PARD3: variants seen among roughly 807,000 people sequenced by gnomAD.
The protein encoded by PARD3 is par-3 family cell polarity regulator.
A neutral mutation model predicts 155.4 loss-of-function variants in PARD3; 75 were observed. The observed-to-expected ratio is 0.48, with a 90% CI of 0.40 to 0.58. The LOEUF (loss-of-function observed/expected upper bound fraction) is 0.58, where lower values mean the gene tolerates loss of function less well. PARD3 is among the 20% of genes least tolerant of loss of function. The pLI is 0.00. For missense variants in PARD3, 1,642 were observed against 1,721.7 expected, an observed-to-expected ratio of 0.95 and a Z score of 0.82; for synonymous variants, 576 against 610.5, an observed-to-expected ratio of 0.94 and a Z score of 0.83.
chr10:34,431,443 C>T (rs10827369), intron 5 of PARD3, among the ~76,000 whole-genome samples: 71,777 of 151,906 alleles, frequency 0.47, 20,355 homozygotes, highest in Non-Finnish European at 0.62. Context: ...AAATTTGTGC[C>T]GGGTGTGGTA....
chr10:34,549,081 C>T (rs1442352553), intron 2 of PARD3, among the ~76,000 whole-genome samples: 2 of 152,146 alleles, frequency 1.3e-5, no homozygotes, highest in Admixed American at 6.5e-5. Context: ...CCGATATTTT[C>T]GCAAACAGTA....
chr10:34,356,530 G>A (rs780713093), intron 14 of PARD3, among the ~76,000 whole-genome samples: 5 of 152,194 alleles, frequency 3.3e-5, no homozygotes, highest in South Asian at 4.1e-4. Flanking sequence ...AGATGAGATA[G>A]CAAAATACAG....
At chr10:34,703,456 G>C (rs1263209871) in intron 1 of PARD3, among the ~76,000 whole-genome samples, 2 of 92,182 alleles carry the variant, frequency 2.2e-5, no homozygotes, top group Non-Finnish European at 5.2e-5. Context: ...CCCCTAGGAA[G>C]TTGGAAAAAA....
intron 1 of PARD3, among the ~76,000 whole-genome samples, chr10:34,730,066 A>G: frequency 6.6e-6 from 1 of 151,112 alleles, no homozygotes; most frequent in South Asian, 2.1e-4. Context: ...AAAATGCTCA[A>G]TAAAATAAAA....
chr10:34,352,642 C>T (rs1438855716), intron 14 of PARD3, among the ~76,000 whole-genome samples: 2 of 152,234 alleles, frequency 1.3e-5, no homozygotes, highest in Non-Finnish European at 2.9e-5. Context: ...CTCGCTCACT[C>T]AGTGCTCAAT....
At chr10:34,693,420 T>C (rs1051296585) in intron 2 of PARD3, among the ~76,000 whole-genome samples, 3 of 152,150 alleles carry the variant, frequency 2.0e-5, no homozygotes, top group African/African-American at 7.2e-5. Flanking sequence ...TAGGCAGCCA[T>C]AAAAAATAAC....
intron 2 of PARD3, among the ~76,000 whole-genome samples, chr10:34,538,314 T>C (rs187209434): frequency 6.6e-5 from 10 of 152,316 alleles, no homozygotes; most frequent in African/African-American, 2.4e-4. Flanking sequence ...CTAGCACGTA[T>C]GACCACTCTG....
chr10:34,554,663 A>G (rs1223789548), intron 2 of PARD3, among the ~76,000 whole-genome samples: 2 of 152,250 alleles, frequency 1.3e-5, no homozygotes, highest in South Asian at 2.1e-4. Context: ...ACTAGTTACA[A>G]TTAAGGCCAA....
intron 22 of PARD3, among the ~76,000 whole-genome samples, chr10:34,190,879 C>G (rs569072943): frequency 6.6e-6 from 1 of 151,926 alleles, no homozygotes; most frequent in South Asian, 2.1e-4. Flanking sequence ...TGCAAAGGCA[C>G]AAAAATATAA....
intron 2 of PARD3, among the ~76,000 whole-genome samples, chr10:34,686,947 G>A (rs2093962556): frequency 6.6e-6 from 1 of 151,950 alleles, no homozygotes; most frequent in Admixed American, 6.6e-5. Context: ...TACTCGGGAG[G>A]CTGAGGCAGA....
At chr10:34,484,975 A>C (rs1589740593) in intron 3 of PARD3, among the ~76,000 whole-genome samples, 1 of 152,032 alleles carries the variant, frequency 6.6e-6, no homozygotes. Context: ...CTCCTAGACA[A>C]CCTCACCTTT....
intron 1 of PARD3, among the ~76,000 whole-genome samples, chr10:34,710,392 T>C (rs2094432973): frequency 6.6e-6 from 1 of 152,118 alleles, no homozygotes; most frequent in Non-Finnish European, 1.5e-5. Context: ...TAAATATTTA[T>C]CCTCTTAAAT....
chr10:34,407,612 C>T (rs899612280), intron 5 of PARD3, among the ~76,000 whole-genome samples: 1 of 152,142 alleles, frequency 6.6e-6, no homozygotes, highest in Non-Finnish European at 1.5e-5. Context: ...CGACATACTA[C>T]CTTTATTAGG....
intron 9 of PARD3, 133 bp from the exon 10 acceptor site, chr10:34,378,239 T>C: frequency 1.6e-6 from 1 of 641,476 alleles, no homozygotes; most frequent in Non-Finnish European, 2.6e-6. Context: ...TTCTACTACT[T>C]TAAAAGTTGT....
chr10:34,785,426 T>G (rs1840829433), intron 1 of PARD3, among the ~76,000 whole-genome samples: 1 of 152,188 alleles, frequency 6.6e-6, no homozygotes, highest in South Asian at 2.1e-4. Context: ...GTAAAAGCAT[T>G]TTTTGCATCA....
intron 20 of PARD3, 74 bp downstream of exon 20, chr10:34,317,033 T>C (rs926606090): frequency 2.9e-6 from 4 of 1,393,068 alleles, no homozygotes; most frequent in Non-Finnish European, 3.8e-6. Flanking sequence ...CCGTGTCCAG[T>C]TTTTAGTACT....
chr10:34,164,393 A>C (rs111727586), intron 22 of PARD3, among the ~76,000 whole-genome samples: 1,981 of 152,334 alleles, frequency 0.013, 47 homozygotes, highest in African/African-American at 0.045. Flanking sequence ...TCCAGGAATT[A>C]ATCAAAAATG....
At chr10:34,540,722 C>T (rs541732873) in intron 2 of PARD3, among the ~76,000 whole-genome samples, 4 of 152,156 alleles carry the variant, frequency 2.6e-5, no homozygotes, top group African/African-American at 9.6e-5. Context: ...CTCGAGGCTA[C>T]AGTGAGCCAT....
intron 1 of PARD3, among the ~76,000 whole-genome samples, chr10:34,799,418 C>T (rs1365350545): frequency 6.6e-6 from 1 of 152,104 alleles, no homozygotes; most frequent in African/African-American, 2.4e-5. Context: ...CCAAGAGATG[C>T]CAGTGCTGCT....
Sources: gnomAD v4.1 joint callset for allele counts (sites outside exome capture counted in the v4.1 genomes callset) on GRCh38, gnomAD v4.1.1 for gene constraint, MANE v1.5 for transcripts, NCBI Gene and HGNC (gene_info 2026-07-23, HGNC 2026-07-21) for gene names.